Variants in CTSA observed in about 807,000 individuals in gnomAD.
CTSA encodes lysosomal protective protein.
CTSA carries 42 observed loss-of-function variants against 66.7 expected under a neutral mutation model. The observed-to-expected ratio is 0.63, with a 90% CI of 0.49 to 0.81. CTSA has a LOEUF of 0.81. CTSA is among the 40% of genes least tolerant of loss of function. The pLI is 0.00. For missense variants in CTSA, 525 were observed against 610.9 expected (o/e 0.86, Z 1.48); for synonymous variants, 225 against 248.6 (o/e 0.91, Z 0.89).
At chr20:45,893,091 C>T in intron 6 of CTSA, 129 bp from the exon 7 acceptor site, 1 of 950,248 alleles carries the variant, frequency 1.1e-6, no homozygotes, top group Non-Finnish European at 1.7e-6. Context: ...AGTGGCCTCT[C>T]ATACCCACCG....
chr20:45,896,249 C>CCG (rs1555833338), intron 11 of CTSA: 5 of 152,362 alleles, frequency 3.3e-5, no homozygotes, highest in East Asian at 2.0e-4. Flanking sequence ...TGGCCACCCC[C>CCG]CCCCACAACC....
At position 45,898,103 on chromosome 20, in the gene CTSA, G is replaced by A. The variant is rs25649; in HGVS notation, c.1353G>A (p.Thr451=). 3.1e-3 allele frequency: 4,977 copies of A among 1,613,826 alleles called. 122 individuals are homozygous for A. In the African/African-American group the frequency reaches 0.054, roughly 18 times the overall value. ...AGTTCTCCCACATCGCCTTTCTCAC[G>A]ATCAAGGTAGGGACTGGGCCTGCTG... is the stretch of plus-strand genomic sequence containing the variant. ...VKEFSHIAFL[T]IKGAGHMVPT... is the part of the protein sequence containing the mutation. The change falls in exon 14 of 15, where the codon ACG becomes ACA. Residue 451 remains threonine, a synonymous_variant. Coordinates refer to ENST00000646241, the MANE Select transcript of CTSA (RefSeq NM_000308.4). The surrounding 1 kb of genome is among the most constrained non-coding windows in gnomAD (Gnocchi z 4.6).
intron 6 of CTSA, 23 bp from the exon 7 acceptor site, chr20:45,893,197 T>G: frequency 6.2e-7 from 1 of 1,602,178 alleles, no homozygotes. Flanking sequence ...CCACATGAGC[T>G]GAGCACCCTG....
In CTSA at chr20:45,891,484, C is replaced by G; in HGVS notation, c.1-85C>G. On this transcript the variant is annotated intron_variant, in intron 1 of 14. Coordinates refer to ENST00000646241, the MANE Select transcript of CTSA (RefSeq NM_000308.4). This position sits in a 1 kb window ranked among gnomAD's most constrained non-coding sequence, Gnocchi z 4.6. The stretch of plus-strand genomic sequence containing the variant: ...GGCGCTGGGGCCGGGGCTTCCCTCG[C>G]GGAGGCGCCGCCAGCAACTCCCCGG... 1 of 1,547,250 alleles carries G rather than the reference C, an allele frequency of 6.5e-7. No individual in the cohort carries two copies. Among genetic ancestry groups the G allele is most frequent in the Non-Finnish European group, 8.7e-7 (1 of 1,146,478 alleles).
In CTSA at chr20:45,895,327, A is replaced by G. The variant is rs56381257; in HGVS notation, c.1088+194A>G. 4 of 694,048 alleles carry G rather than the reference A, an allele frequency of 5.8e-6. No individual in the cohort carries two copies. The African/African-American group carries it at 7.2e-5, about 13-fold the overall frequency. The allele number at this position is 694,048 out of a possible 1,614,324, so 43.0% of individuals were successfully genotyped here. ...TTCTTTTATCTTTTTTAAATTTAAA[A>G]TTTTTTTGTTTGAGACAAGGTCTCA... On this transcript the variant is annotated intron_variant, in intron 11 of 14. Transcript: ENST00000646241.
chr20:45,893,965 CT>C, intron 7 of CTSA, 22 bp from the exon 8 acceptor site: 1 of 1,522,244 alleles, frequency 6.6e-7, no homozygotes. Context: ...AGCTGATGCG[CT>C]TTTCACTCTC....
At position 45,892,090 on chromosome 20, in the gene CTSA, G is replaced by C. The variant is rs1394568602; in HGVS notation, c.306+63G>C. 6.5e-6 allele frequency: 10 copies of C among 1,531,314 alleles called. No homozygotes were observed. The Admixed American group carries it at 1.7e-4, about 26-fold the overall frequency. 94.9% of individuals were successfully genotyped at this position (1,531,314 alleles called of 1,614,324 possible). ...TAAAAGGCTGGGGAAAGCGAGAGAG[G>C]GGCTTTGTGATTTTCCAAAAAGTTT... On this transcript the variant is annotated intron_variant, in intron 3 of 14. Coordinates refer to ENST00000646241, the MANE Select transcript of CTSA (RefSeq NM_000308.4).
At chr20:45,897,926 T>A (rs766041334) in intron 13 of CTSA, 79 bp from the exon 14 acceptor site, 672 of 1,564,982 alleles carry the variant, frequency 4.3e-4, no homozygotes, top group Non-Finnish European at 3.7e-4. Flanking sequence ...TGTGGAGGAA[T>A]TCCCAGCCCT....
chr20:45,894,936 G>GGGGGCAGGGGGA, intron 10 of CTSA, 35 bp downstream of exon 10: 2 of 1,613,940 alleles, frequency 1.2e-6, no homozygotes, highest in Non-Finnish European at 1.7e-6. Context: ...CTGGTGAGGT[G>GGGGGCAGGGGGA]GGGGCAGGGG....
rs1221845934 is a variant in CTSA, at chr20:45,897,998, G to T, written c.1255-7G>T. 2 of 1,613,886 alleles carry T rather than the reference G, an allele frequency of 1.2e-6. No homozygotes were observed. Among genetic ancestry groups the T allele is most frequent in the Non-Finnish European group, 1.7e-6 (2 of 1,179,748 alleles). ...GCTGTAGGCTGATGTCTTTCCTGGT[G>T]GGGCAGATGGAGGTGCAGCGCCGGC... On this transcript the variant is annotated splice_region_variant and splice_polypyrimidine_tract_variant and intron_variant, in intron 13 of 14. Transcript: ENST00000646241.
At chr20:45,894,133 C>A in intron 8 of CTSA, 61 bp downstream of exon 8, 3 of 1,184,374 alleles carry the variant, frequency 2.5e-6, no homozygotes, top group Non-Finnish European at 3.8e-6. Context: ...AACAGGACCA[C>A]ATTCCCTCCT....
At chr20:45,896,639 A>C in intron 11 of CTSA, 1 of 349,320 alleles carries the variant, frequency 2.9e-6, no homozygotes, top group Non-Finnish European at 5.5e-6. Flanking sequence ...GGGTTTCACC[A>C]TGTTGGTCAG....
intron 11 of CTSA, chr20:45,896,483 A>C (rs1406838230): frequency 1.0e-5 from 2 of 192,222 alleles, no homozygotes; most frequent in Admixed American, 5.4e-5. Flanking sequence ...CTCAGGCTGG[A>C]GTGCAGTGCT....
At position 45,892,449 on chromosome 20, in the gene CTSA, T is replaced by A; in HGVS notation, c.409T>A (p.Ser137Thr). 1 of 1,614,200 alleles carries A rather than the reference T, an allele frequency of 6.2e-7. No homozygotes were observed. The highest frequency in any genetic ancestry group is 8.5e-7 in the Non-Finnish European group (1 of 1,180,042). Residue 137 changes from serine (S) to threonine (T), a missense_variant, in exon 5 of 15, where the codon TCC becomes ACC. Ser to Thr is a moderately conservative substitution (Grantham distance 58). Around this residue, in one of 3 missense-constraint regions of CTSA, gnomAD observed 246 missense variants for 267.4 expected, o/e 0.92. Coordinates refer to ENST00000646241, the MANE Select transcript of CTSA (RefSeq NM_000308.4). The stretch of plus-strand genomic sequence containing the variant: ...CCCAGCTGGGGTGGGCTTCTCCTAC[T>A]CCGATGACAAGTTTTATGCAACTAA... ...ESPAGVGFSY[S>T]DDKFYATNDT...
At position 45,894,019 on chromosome 20, in the gene CTSA, T is replaced by A. The variant is rs1381644117; in HGVS notation, c.724T>A (p.Ser242Thr). 1 of 1,612,870 alleles carries A rather than the reference T, an allele frequency of 6.2e-7. No individual in the cohort carries two copies. Among genetic ancestry groups the A allele is most frequent in the Admixed American group, 1.7e-5 (1 of 59,994 alleles). ...LWSSLQTHCC[S>T]QNKCNFYDNK... is the part of the protein sequence containing the mutation. ...GTCTTCTCTCCAGACCCACTGCTGC[T>A]CTCAAAACAAGTGTAACTTCTATGA... The change falls in exon 8 of 15, where the codon TCT (serine) becomes ACT (threonine). Residue 242 changes from serine to threonine, a missense_variant. Physicochemically the swap from Ser to Thr is moderately conservative, Grantham distance 58. Around this residue, in one of 3 missense-constraint regions of CTSA, gnomAD observed 274 missense variants for 321.1 expected, o/e 0.85. Transcript: ENST00000646241.
chr20:45,891,443 C>T lies in CTSA; in HGVS notation c.-1+64C>T. ...CGGGATCGGTGCGCGGCAGAGGAGG[C>T]TCGCGGGTGGGAGCTGGCGCTGGGG... On this transcript the variant is annotated intron_variant, in intron 1 of 14. Coordinates refer to ENST00000646241, the MANE Select transcript of CTSA (RefSeq NM_000308.4). The surrounding 1 kb of genome is among the most constrained non-coding windows in gnomAD (Gnocchi z 4.6). 1.9e-6 allele frequency: 3 copies of T among 1,547,002 alleles called. No individual in the cohort carries two copies. The South Asian group carries it at 3.6e-5, about 18-fold the overall frequency.
At chr20:45,896,469 G>T in intron 11 of CTSA, 1 of 180,666 alleles carries the variant, frequency 5.5e-6, no homozygotes, top group Non-Finnish European at 1.2e-5. Flanking sequence ...GAGTCTTGCT[G>T]TCACTCAGGC....
chr20:45,895,551 G>A (rs1987208273), intron 11 of CTSA, among the ~76,000 whole-genome samples: 1 of 152,050 alleles, frequency 6.6e-6, no homozygotes, highest in African/African-American at 2.4e-5. Flanking sequence ...GGGCTCAAGT[G>A]ATCTGCCCAT....
chr20:45,891,951 C>G lies in CTSA; in HGVS notation c.230C>G (p.Pro77Arg). The G allele has an allele frequency of 6.2e-7, 1 of 1,614,174 alleles. No homozygotes were observed. ...TCCCAGAAGGATCCCGAGAACAGCC[C>G]TGTGGTGCTTTGGCTCAATGGGGGT... is the stretch of plus-strand genomic sequence containing the variant. ...VESQKDPENS[P>R]VVLWLNGGPG... Residue 77 changes from proline (P) to arginine (R), a missense_variant, in exon 3 of 15, where the codon CCT becomes CGT. By Grantham distance (103) the Pro-to-Arg change is moderately radical. Coordinates refer to ENST00000646241, the MANE Select transcript of CTSA (RefSeq NM_000308.4). This position sits in a 1 kb window ranked among gnomAD's most constrained non-coding sequence, Gnocchi z 4.6.
Sources: allele counts gnomAD v4.1 joint callset (sites outside exome capture counted in the v4.1 genomes callset), GRCh38; gene constraint gnomAD v4.1.1; regional missense constraint gnomAD v4.1.1; non-coding constraint Gnocchi (gnomAD v3.1); transcripts MANE v1.5; gene names NCBI Gene and HGNC (gene_info 2026-07-23, HGNC 2026-07-21).